GBP1: variants seen among roughly 807,000 people sequenced by gnomAD.
GBP1 encodes the protein guanylate binding protein 1.
Under a neutral mutation model 69.5 loss-of-function variants are expected in GBP1, and 64 were observed. That is an observed-to-expected ratio of 0.92 (90% CI 0.75 to 1.13). The LOEUF (loss-of-function observed/expected upper bound fraction) is 1.13. Among genes scored for constraint, GBP1 ranks in the 50% most tolerant of loss-of-function variants. The probability of loss-of-function intolerance (pLI) is 0.00; values close to 1 mark genes in which losing one functional copy is unlikely to be tolerated. For synonymous variants in GBP1, 250 were observed against 261.2 expected, an observed-to-expected ratio of 0.96 and a Z score of 0.41; for missense variants, 630 against 704.1, an observed-to-expected ratio of 0.89 and a Z score of 1.19.
intron 10 of GBP1, among the ~76,000 whole-genome samples, chr1:89,054,343 G>A (rs923298758): frequency 1.4e-4 from 22 of 151,972 alleles, no homozygotes; most frequent in Non-Finnish European, 2.4e-4. Flanking sequence ...CTCGTGATCC[G>A]CCCGCCTTGG....
chr1:89,059,276 C>T (rs1680121529), intron 4 of GBP1, 41 bp downstream of exon 4: 1 of 1,613,942 alleles, frequency 6.2e-7, no homozygotes, highest in Non-Finnish European at 8.5e-7. Context: ...ATACAGGTGT[C>T]CCCTCTGACC....
Position 89,057,127 on chromosome 1 carries a change from C to T in GBP1, c.882G>A (p.Glu294=). Residue 294 remains glutamate, a synonymous_variant, in exon 7 of 11, where the codon GAG becomes GAA. Coordinates refer to ENST00000370473, the MANE Select transcript of GBP1 (RefSeq NM_002053.3). ...GGIQVNGPRL[E]SLVLTYVNAI... is the part of the protein sequence containing the mutation. ...CATTGACGTAGGTCAGCACCAGGCT[C>T]TCTAGACCTGCATATGAAGAACAAA... The T allele has an allele frequency of 3.7e-6, 6 of 1,614,196 alleles. No homozygotes were observed. The highest frequency in any genetic ancestry group is 5.1e-6 in the Non-Finnish European group (6 of 1,179,994).
chr1:89,055,357 C>G (rs1420419524), intron 8 of GBP1, 142 bp from the exon 9 acceptor site: 2 of 1,406,564 alleles, frequency 1.4e-6, no homozygotes, highest in Non-Finnish European at 1.9e-6. Context: ...CCTGTCGGAG[C>G]GACAGACACA....
Position 89,057,079 on chromosome 1 carries a change from C to G in GBP1, c.930G>C (p.Pro310=), listed in dbSNP as rs17487439. The G allele has an allele frequency of 1.2e-5, 20 of 1,614,134 alleles. No individual in the cohort carries two copies. Among genetic ancestry groups the G allele is most frequent in the Admixed American group, 1.7e-5 (1 of 60,010 alleles). Residue 310 remains proline, a synonymous_variant, in exon 7 of 11, where the codon CCG becomes CCC. Coordinates refer to ENST00000370473, the MANE Select transcript of GBP1 (RefSeq NM_002053.3). The part of the protein sequence containing the change: ...YVNAISSGDL[P]CMENAVLALA... ...AGGCCAGGACTGCGTTCTCCATGCA[C>G]GGCAGATCCCCACTGCTGATGGCAT...
chr1:89,056,148 C>T lies in GBP1; in HGVS notation c.1236G>A (p.Gln412=), dbSNP rs1338075143. The T allele has an allele frequency of 1.2e-6, 2 of 1,613,920 alleles. No homozygotes were observed. Among genetic ancestry groups the T allele is most frequent in the East Asian group, 2.2e-5 (1 of 44,882 alleles). The part of the protein sequence containing the change: ...ASSDRCSALL[Q]VIFSPLEEEV... ...CTTCTTCTAGAGGACTGAAAATGAC[C>T]TGAAGTAAAGCTGAGCAACGATCTG... Residue 412 remains glutamine, a synonymous_variant, in exon 8 of 11, where the codon CAG becomes CAA. Coordinates refer to ENST00000370473, the MANE Select transcript of GBP1 (RefSeq NM_002053.3).
At chr1:89,059,605 G>A (rs1680134050) in intron 3 of GBP1, among the ~76,000 whole-genome samples, 179 bp from the exon 4 acceptor site, 1 of 149,630 alleles carries the variant, frequency 6.7e-6, no homozygotes, top group Non-Finnish European at 1.5e-5. Flanking sequence ...ATTCTCAGTA[G>A]GATGTGGCTT....
At chr1:89,059,501 C>T in intron 3 of GBP1, 75 bp from the exon 4 acceptor site, 1 of 1,304,410 alleles carries the variant, frequency 7.7e-7, no homozygotes, top group African/African-American at 1.5e-5. Context: ...AGTAGTAAAA[C>T]TATGTTCATA....
chr1:89,054,676 A>C lies in GBP1; in HGVS notation c.1665+6T>G. On this transcript the variant is annotated splice_donor_region_variant and intron_variant, in intron 10 of 10. Transcript: ENST00000370473. ...ACAGAAACCTCAAGGTGATGCAATT[A>C]GATACCTGAAGTTTAAGAGCGAGGG... 1 of 1,611,560 alleles carries C rather than the reference A, an allele frequency of 6.2e-7. No individual in the cohort carries two copies. Among genetic ancestry groups the C allele is most frequent in the Non-Finnish European group, 8.5e-7 (1 of 1,178,208 alleles).
chr1:89,056,672 T>C (rs1270169324), intron 7 of GBP1, among the ~76,000 whole-genome samples, 182 bp downstream of exon 7: 2 of 152,240 alleles, frequency 1.3e-5, no homozygotes, highest in African/African-American at 4.8e-5. Flanking sequence ...AAAAATGTTT[T>C]AGAACTTTGG....
chr1:89,056,334 G>C, intron 7 of GBP1, 106 bp from the exon 8 acceptor site: 3 of 1,567,946 alleles, frequency 1.9e-6, no homozygotes, highest in Non-Finnish European at 1.7e-6. Flanking sequence ...TGATGCTGGA[G>C]AAACTGACAG....
At chr1:89,054,636 A>G in intron 10 of GBP1, 46 bp downstream of exon 10, 3 of 1,512,480 alleles carry the variant, frequency 2.0e-6, no homozygotes, top group Non-Finnish European at 2.7e-6. Flanking sequence ...GGGAGAATGG[A>G]GAGAAAACAG....
Position 89,058,033 on chromosome 1 carries a change from T to C in GBP1, c.833A>G (p.Lys278Arg). ...GATGCCTCCTGAAAGAGTTTTAGTTTTGGAATTACTAAAGATGTAGGAACA... is the reference window on the plus strand; with the variant it reads ...GATGCCTCCTGAAAGAGTTTTAGTTCTGGAATTACTAAAGATGTAGGAACA... ...DFCSYIFSNS[K>R]TKTLSGGIQV... The change falls in exon 6 of 11, where the codon AAA becomes AGA. Residue 278 changes from lysine to arginine, a missense_variant. Lys to Arg is a conservative substitution (Grantham distance 26). Transcript: ENST00000370473. 1.2e-6 allele frequency: 2 copies of C among 1,613,860 alleles called. No homozygotes were observed. The highest frequency in any genetic ancestry group is 1.1e-5 in the South Asian group (1 of 91,064).
At position 89,058,216 on chromosome 1, in the gene GBP1, T is replaced by C; in HGVS notation, c.650A>G (p.Glu217Gly). The change falls in exon 6 of 11, where the codon GAA (glutamate) becomes GGA (glycine). Residue 217 changes from glutamate to glycine, a missense_variant. By Grantham distance (98) the Glu-to-Gly change is moderately conservative (BLOSUM62 -2). Coordinates refer to ENST00000370473, the MANE Select transcript of GBP1 (RefSeq NM_002053.3). ...KLKKGTSQKD[E>G]TFNLPRLCIR... ...ACAGAGTCTGGGCAGGTTAAAAGTT[T>C]CATCTTTTTGACTGGTACCTAGAAA... 5 of 1,594,382 alleles carry C rather than the reference T, an allele frequency of 3.1e-6. No homozygotes were observed. Among genetic ancestry groups the C allele is most frequent in the Non-Finnish European group, 4.3e-6 (5 of 1,172,568 alleles).
chr1:89,053,501 G>A, intron 10 of GBP1, 33 bp from the exon 11 acceptor site: 1 of 1,594,404 alleles, frequency 6.3e-7, no homozygotes, highest in East Asian at 2.2e-5. Context: ...TGAGTAAAGT[G>A]TAGCATCAGG....
At chr1:89,055,651 T>C (rs1680024289) in intron 8 of GBP1, 4 of 379,000 alleles carry the variant, frequency 1.1e-5, no homozygotes, top group Non-Finnish European at 2.0e-5. Context: ...CTTGAAACCT[T>C]AGACCCACCT....
At position 89,053,193 on chromosome 1, in the gene GBP1, T is replaced by C; in HGVS notation, c.*162A>G. The C allele has an allele frequency of 1.9e-6, 1 of 526,766 alleles. No individual in the cohort carries two copies. Among genetic ancestry groups the C allele is most frequent in the South Asian group, 3.2e-5 (1 of 31,516 alleles). 32.6% of individuals were successfully genotyped at this position (526,766 alleles called of 1,614,324 possible). On this transcript the variant is annotated 3_prime_UTR_variant, in exon 11 of 11. Coordinates refer to ENST00000370473, the MANE Select transcript of GBP1 (RefSeq NM_002053.3). ...GCACAATTTACAGTCTTTTTTTTTT[T>C]TTAAGAAAAAACATGATTTTGATCA...
At chr1:89,057,893 G>T in intron 6 of GBP1, 99 bp downstream of exon 6, 1 of 1,222,930 alleles carries the variant, frequency 8.2e-7, no homozygotes, top group East Asian at 2.3e-5. Context: ...CACAAATATA[G>T]CAGTAGATTG....
intron 8 of GBP1, 114 bp downstream of exon 8, chr1:89,055,902 A>G (rs1178762086): frequency 8.0e-7 from 1 of 1,251,228 alleles, no homozygotes; most frequent in Non-Finnish European, 1.2e-6. Flanking sequence ...GAATAAAAGC[A>G]TGAATGTTAT....
chr1:89,061,857 A>T (rs1680207871), intron 2 of GBP1, among the ~76,000 whole-genome samples: 1 of 152,194 alleles, frequency 6.6e-6, no homozygotes, highest in Non-Finnish European at 1.5e-5. Flanking sequence ...TTGAATAGAC[A>T]TTCTCCCAAA....
Sources: gnomAD v4.1 joint callset for allele counts (sites outside exome capture counted in the v4.1 genomes callset) on GRCh38, gnomAD v4.1.1 for gene constraint, MANE v1.5 for transcripts, NCBI Gene and HGNC (gene_info 2026-07-23, HGNC 2026-07-21) for gene names.